The following DOCK4 variants were observed in gnomAD, a reference collection of about 807,000 sequenced individuals.
DOCK4 encodes dedicator of cytokinesis 4.
Under a neutral mutation model 268.1 loss-of-function variants are expected in DOCK4, and 97 were observed. That is an observed-to-expected ratio of 0.36 (90% CI 0.31 to 0.43). DOCK4 has a LOEUF of 0.43. DOCK4 is among the 20% of genes least tolerant of loss of function. The probability of loss-of-function intolerance (pLI) is 1.00; values close to 1 mark genes in which losing one functional copy is unlikely to be tolerated. For synonymous variants in DOCK4, 954 were observed against 887.2 expected (o/e 1.08, Z -1.34); for missense variants, 2,145 against 2,455.7 (o/e 0.87, Z 2.67).
chr7:111,972,778 CAT>C (rs1421061853), intron 8 of DOCK4, among the ~76,000 whole-genome samples: 1 of 151,954 alleles, frequency 6.6e-6, no homozygotes, highest in East Asian at 1.9e-4. Flanking sequence ...TAACACTTAT[CAT>C]ATGTTTTATC....
At chr7:111,975,525 C>T (rs1798095811) in intron 8 of DOCK4, among the ~76,000 whole-genome samples, 1 of 152,114 alleles carries the variant, frequency 6.6e-6, no homozygotes, top group East Asian at 1.9e-4. Context: ...TTTTACTTCC[C>T]TTTTTAGTAG....
At chr7:112,047,866 AT>A (rs1484584369) in intron 1 of DOCK4, among the ~76,000 whole-genome samples, 1 of 151,912 alleles carries the variant, frequency 6.6e-6, no homozygotes, top group African/African-American at 2.4e-5. Context: ...CTAGGTTTTT[AT>A]TTTTGTAGAA....
At chr7:112,099,510 G>A (rs535887829) in intron 1 of DOCK4, among the ~76,000 whole-genome samples, 6 of 152,264 alleles carry the variant, frequency 3.9e-5, no homozygotes, top group African/African-American at 1.4e-4. Context: ...CCTGTCCCCA[G>A]TACTTCACTG....
At chr7:112,101,788 T>C (rs1469472256) in intron 1 of DOCK4, among the ~76,000 whole-genome samples, 2 of 152,140 alleles carry the variant, frequency 1.3e-5, no homozygotes, top group African/African-American at 4.8e-5. Flanking sequence ...TGCTCGGCCC[T>C]TATCCTCCAC....
In DOCK4 at chr7:111,822,446, A is replaced by G; in HGVS notation, c.2846T>C (p.Leu949Pro). ...NTKEELRDFL[L>P]QIFTVFRILI... ...TATTCGGAACACAGTAAATATCTGC[A>G]GCAGGAAATCCTTGGATAAGGAGAA... Residue 949 changes from leucine to proline, a missense_variant, in exon 27 of 53, where the codon CTG (leucine) becomes CCG (proline). Coordinates refer to ENST00000428084, the MANE Select transcript of DOCK4 (RefSeq NM_001363540.2). 2 of 1,612,658 alleles carry G rather than the reference A, an allele frequency of 1.2e-6. No homozygotes were observed. Among genetic ancestry groups the G allele is most frequent in the Non-Finnish European group, 1.7e-6 (2 of 1,179,350 alleles).
Position 111,790,583 on chromosome 7 carries a change from G to T in DOCK4, c.3189C>A (p.Ile1063=). The T allele has an allele frequency of 6.2e-7, 1 of 1,613,348 alleles. No homozygotes were observed. Among genetic ancestry groups the T allele is most frequent in the South Asian group, 1.1e-5 (1 of 90,966 alleles). ...QNLGEHKLHF[I]PALIGPFLEV... Reference sequence around the variant, plus strand: ...CTAGGAAGGGGCCAATCAGGGCAGGGATAAAATGAAGCTTGTGCTCTCCTA... The same window carrying T: ...CTAGGAAGGGGCCAATCAGGGCAGGTATAAAATGAAGCTTGTGCTCTCCTA... Residue 1063 remains isoleucine (I), a synonymous_variant, in exon 31 of 53, where the codon ATC becomes ATA. Transcript: ENST00000428084.
In DOCK4 at chr7:112,056,948, T is replaced by G. The variant is rs1397283642; in HGVS notation, c.38-52817A>C. On this transcript the variant is annotated intron_variant, in intron 1 of 52. Coordinates refer to ENST00000428084, the MANE Select transcript of DOCK4 (RefSeq NM_001363540.2). ...ATAACTATATATTGTATATTAGACA[T>G]CAGCTATTAAAATATCAAAATAAGC... Among the ~76,000 whole-genome samples, 12 of 152,268 alleles carry G rather than the reference T, an allele frequency of 7.9e-5. No homozygotes were observed. The East Asian group carries it at 1.5e-3, about 20-fold the overall frequency.
rs1585793828 is a variant in DOCK4 at position 111,728,407 on chromosome 7, G to A, written c.5795C>T (p.Pro1932Leu). ...CAGCGCGGGCGGCTCCGACGTGACG[G>A]GGATGGAGAGGCTGTGAGGTAGCGG... ...PVPLPHSLSI[P>L]VTSEPPALPP... Residue 1932 changes from proline (P) to leucine (L), a missense_variant, in exon 53 of 53, where the codon CCC becomes CTC. By Grantham distance (98) the Pro-to-Leu change is moderately conservative. Transcript: ENST00000428084. 1 of 1,571,180 alleles carries A rather than the reference G, an allele frequency of 6.4e-7. No individual in the cohort carries two copies. Among genetic ancestry groups the A allele is most frequent in the Non-Finnish European group, 8.6e-7 (1 of 1,156,990 alleles).
chr7:111,806,411 C>A (rs1563530403), intron 30 of DOCK4, among the ~76,000 whole-genome samples: 3 of 152,282 alleles, frequency 2.0e-5, no homozygotes, highest in South Asian at 4.1e-4. Flanking sequence ...CAGCAACAAA[C>A]TTTAAAATTC....
Position 112,035,401 on chromosome 7 carries a change from G to A in DOCK4, c.38-31270C>T, listed in dbSNP as rs191394119. The stretch of plus-strand genomic sequence containing the variant: ...ACCCCAGAAACATAAGAAGACTTTC[G>A]GTGAATGTGTCACATTCTATAAAAA... On this transcript the variant is annotated intron_variant, in intron 1 of 52. Transcript: ENST00000428084. Among the ~76,000 whole-genome samples, 110 of 152,094 alleles carry A rather than the reference G, an allele frequency of 7.2e-4. 1 individual carries two copies. The highest frequency in any genetic ancestry group is 2.5e-3 in the African/African-American group (104 of 41,508).
At chr7:111,731,564 T>TG (rs1795085016) in intron 52 of DOCK4, among the ~76,000 whole-genome samples, 1 of 152,178 alleles carries the variant, frequency 6.6e-6, no homozygotes, top group African/African-American at 2.4e-5. Context: ...ATATTATTCT[T>TG]TATCTTCATG....
intron 7 of DOCK4, among the ~76,000 whole-genome samples, chr7:111,982,232 A>C (rs1016515131): frequency 6.6e-6 from 1 of 152,240 alleles, no homozygotes; most frequent in African/African-American, 2.4e-5. Flanking sequence ...AGCCATGTTC[A>C]ATGTAGCAGA....
At chr7:112,134,702 C>T (rs539610687) in intron 1 of DOCK4, among the ~76,000 whole-genome samples, 5 of 151,976 alleles carry the variant, frequency 3.3e-5, no homozygotes, top group Admixed American at 1.3e-4. Context: ...GGCGACAGAG[C>T]GAGACTCCAT....
intron 1 of DOCK4, among the ~76,000 whole-genome samples, chr7:112,046,698 G>T (rs1313112198): frequency 6.6e-6 from 1 of 152,108 alleles, no homozygotes; most frequent in Non-Finnish European, 1.5e-5. Flanking sequence ...TGAAACAATG[G>T]TTTTTCAAGA....
intron 8 of DOCK4, among the ~76,000 whole-genome samples, chr7:111,962,540 G>A (rs1005847682): frequency 2.0e-5 from 3 of 152,088 alleles, no homozygotes; most frequent in Non-Finnish European, 2.9e-5. Flanking sequence ...TGGCCACTTC[G>A]ATTACCGTGC....
chr7:112,125,859 G>A (rs1485479140), intron 1 of DOCK4, among the ~76,000 whole-genome samples: 1 of 152,032 alleles, frequency 6.6e-6, no homozygotes, highest in African/African-American at 2.4e-5. Flanking sequence ...CCCAGACTGG[G>A]ATACTGTGGC....
intron 1 of DOCK4, among the ~76,000 whole-genome samples, chr7:112,123,144 G>A (rs1812894372): frequency 6.6e-6 from 1 of 152,216 alleles, no homozygotes; most frequent in Non-Finnish European, 1.5e-5. Flanking sequence ...GGATCAGGGA[G>A]CAGGGATTAA....
chr7:111,969,191 C>A (rs1797486753), intron 8 of DOCK4, among the ~76,000 whole-genome samples: 1 of 139,338 alleles, frequency 7.2e-6, no homozygotes, highest in Admixed American at 7.1e-5. Context: ...GCACATGTAC[C>A]CTAAAACTTA....
At chr7:112,142,065 G>C (rs1215893776) in intron 1 of DOCK4, among the ~76,000 whole-genome samples, 1 of 152,182 alleles carries the variant, frequency 6.6e-6, no homozygotes, top group African/African-American at 2.4e-5. Context: ...AGCCAGATGG[G>C]AGAGGGAGAA....
Sources: gnomAD v4.1 joint callset for allele counts (sites outside exome capture counted in the v4.1 genomes callset) on GRCh38, gnomAD v4.1.1 for gene constraint, MANE v1.5 for transcripts, NCBI Gene and HGNC (gene_info 2026-07-23, HGNC 2026-07-21) for gene names.